The following LOXHD1 variants were observed in gnomAD, a reference collection of about 807,000 sequenced individuals.
LOXHD1 encodes lipoxygenase homology PLAT domains 1.
Under a neutral mutation model 248.2 loss-of-function variants are expected in LOXHD1, and 205 were observed. The observed-to-expected ratio is 0.83, with a 90% CI of 0.74 to 0.93. The LOEUF (loss-of-function observed/expected upper bound fraction) is 0.93, where lower values mean the gene tolerates loss of function less well. Among genes scored for constraint, LOXHD1 ranks in the 40% least tolerant of loss-of-function variants. The probability of loss-of-function intolerance (pLI) is 0.00; values close to 1 mark genes in which losing one functional copy is unlikely to be tolerated. For missense variants in LOXHD1, 2,930 were observed against 2,971.6 expected, an observed-to-expected ratio of 0.99 and a Z score of 0.33; for synonymous variants, 1,113 against 1,162.8, an observed-to-expected ratio of 0.96 and a Z score of 0.87.
At chr18:46,494,849 C>CTTTT (rs58016824) in intron 37 of LOXHD1, among the ~76,000 whole-genome samples, 1,596 of 96,516 alleles carry the variant, frequency 0.017, 110 homozygotes, top group African/African-American at 0.046. Context: ...TTCTCTCTCT[C>CTTTT]TTTTTTTTTT....
At position 46,482,820 on chromosome 18, in the gene LOXHD1, G is replaced by A. The variant is rs142515522; in HGVS notation, c.6341+767C>T. 2.3e-3 allele frequency among the ~76,000 whole-genome samples: 342 copies of A among 151,192 alleles called. 2 individuals are homozygous for A. The highest frequency in any genetic ancestry group is 6.9e-3 in the African/African-American group (287 of 41,468). ...GCCAGCCCCAGGGAGAGGTGCAGAT[G>A]TGGGAGCGTCCACAGTGGTTCTGGC... On this transcript the variant is annotated intron_variant, in intron 40 of 40. Transcript: ENST00000642948.
At chr18:46,559,127 C>A in intron 20 of LOXHD1, 1 of 1,347,028 alleles carries the variant, frequency 7.4e-7, no homozygotes, top group East Asian at 4.4e-5. Context: ...CCCAAGACAC[C>A]ATCTTGCGGC....
In LOXHD1 at chr18:46,541,845, T is replaced by C; in HGVS notation, c.3844A>G (p.Asn1282Asp). The change falls in exon 25 of 41, where the codon AAC (asparagine) becomes GAC (aspartate). Residue 1282 changes from asparagine (N) to aspartate (D), a missense_variant. Transcript: ENST00000642948. ...TFPCGRWLAK[N>D]EDDGSIIRDL... The stretch of plus-strand genomic sequence containing the variant: ...CTGATGATGGACCCGTCGTCTTCGT[T>C]TTTGGCCAGCCAGCGGCCACAGGGA... 6.4e-7 allele frequency: 1 copy of C among 1,551,694 alleles called. No homozygotes were observed. Among genetic ancestry groups the C allele is most frequent in the East Asian group, 2.4e-5 (1 of 40,916 alleles).
At chr18:46,585,964 G>A (rs2038051362) in intron 12 of LOXHD1, among the ~76,000 whole-genome samples, 1 of 152,162 alleles carries the variant, frequency 6.6e-6, no homozygotes, top group Admixed American at 6.5e-5. Flanking sequence ...GTACATGGAT[G>A]TTTATGGCAG....
intron 37 of LOXHD1, among the ~76,000 whole-genome samples, chr18:46,505,200 G>A (rs1238940042): frequency 8.0e-6 from 1 of 125,622 alleles, no homozygotes; most frequent in Non-Finnish European, 1.7e-5. Flanking sequence ...TTTTTTTTTT[G>A]AGACAGGTTC....
intron 25 of LOXHD1, among the ~76,000 whole-genome samples, chr18:46,541,234 C>T (rs991493378): frequency 2.6e-5 from 4 of 152,148 alleles, no homozygotes; most frequent in African/African-American, 9.7e-5. Flanking sequence ...AAGGGAATTA[C>T]ATTCACCTTT....
intron 19 of LOXHD1, 35 bp downstream of exon 19, chr18:46,560,048 T>TGCCAA: frequency 2.6e-5 from 32 of 1,226,276 alleles, no homozygotes; most frequent in Middle Eastern, 2.1e-4. Flanking sequence ...GTCTGGCCAC[T>TGCCAA]CCCTCCCCAC....
rs890100346 is a variant in LOXHD1, at chr18:46,533,607, A to AG, written c.4213-284dup. 2.0e-4 allele frequency: 78 copies of AG among 395,792 alleles called. No homozygotes were observed. The Middle Eastern group carries it at 3.0e-3, about 15-fold the overall frequency. 24.5% of individuals were successfully genotyped at this position (395,792 alleles called of 1,614,324 possible). A position where few individuals can be genotyped will look rare whatever the true frequency, so the allele number is the denominator to read the frequency against. ...AGACTCAGATTCAGTGGGTAAGAGG[A>AG]GGGGGGTGCTCTGTATTTAAAAATT... is the stretch of plus-strand genomic sequence containing the variant. On this transcript the variant is annotated intron_variant, in intron 27 of 40. Transcript: ENST00000642948.
chr18:46,577,873 G>T lies in LOXHD1; in HGVS notation c.1810-6C>A, dbSNP rs199804946. ...TCGATAGTGAACTCGTCAGCCTTGT[G>T]GGGGGAAACCACAAGGCCAGTTAGA... On this transcript the variant is annotated splice_region_variant and splice_polypyrimidine_tract_variant and intron_variant, in intron 13 of 40. Coordinates refer to ENST00000642948, the MANE Select transcript of LOXHD1 (RefSeq NM_001384474.1). 7.7e-5 allele frequency: 119 copies of T among 1,551,270 alleles called. No individual in the cohort carries two copies. The highest frequency in any genetic ancestry group is 3.3e-4 in the Middle Eastern group (2 of 6,014).
chr18:46,504,730 C>T (rs1483240622), intron 37 of LOXHD1, among the ~76,000 whole-genome samples: 1 of 152,184 alleles, frequency 6.6e-6, no homozygotes, highest in Non-Finnish European at 1.5e-5. Context: ...ATAGGCTAGT[C>T]CTCCGCAGGG....
At chr18:46,565,294 C>G (rs1004858312) in intron 17 of LOXHD1, among the ~76,000 whole-genome samples, 1 of 151,964 alleles carries the variant, frequency 6.6e-6, no homozygotes, top group Non-Finnish European at 1.5e-5. Flanking sequence ...AAGGGACATT[C>G]TCTGTGCCAG....
intron 29 of LOXHD1, among the ~76,000 whole-genome samples, chr18:46,525,963 G>T (rs1192349014): frequency 2.0e-5 from 3 of 152,164 alleles, no homozygotes; most frequent in African/African-American, 7.2e-5. Context: ...GTCTCCAGGT[G>T]TCAGCATTAA....
chr18:46,567,041 T>C (rs2037657514), intron 16 of LOXHD1, among the ~76,000 whole-genome samples: 2 of 152,222 alleles, frequency 1.3e-5, no homozygotes, highest in South Asian at 4.1e-4. Context: ...CACTCTATAA[T>C]TGCTTTGCGA....
At chr18:46,566,157 T>A in intron 17 of LOXHD1, 100 bp downstream of exon 17, 1 of 1,338,310 alleles carries the variant, frequency 7.5e-7, no homozygotes, top group Admixed American at 2.4e-5. Context: ...CAGCAGCACT[T>A]GTCAGCAAGA....
At position 46,541,759 on chromosome 18, in the gene LOXHD1, C is replaced by A. The variant is rs1323800663; in HGVS notation, c.3913+17G>T. 6.4e-7 allele frequency: 1 copy of A among 1,551,494 alleles called. No individual in the cohort carries two copies. Among genetic ancestry groups the A allele is most frequent in the Non-Finnish European group, 8.7e-7 (1 of 1,146,900 alleles). ...GGGCCCCAGAGAAGGGCTGGCCTTGCCGTGTGTGGTTCCTACATGGTGTGT... is the reference window on the plus strand; with the variant it reads ...GGGCCCCAGAGAAGGGCTGGCCTTGACGTGTGTGGTTCCTACATGGTGTGT... On this transcript the variant is annotated intron_variant, in intron 25 of 40. Coordinates refer to ENST00000642948, the MANE Select transcript of LOXHD1 (RefSeq NM_001384474.1).
chr18:46,516,295 C>T (rs1357611277), intron 34 of LOXHD1, among the ~76,000 whole-genome samples: 1 of 152,164 alleles, frequency 6.6e-6, no homozygotes, highest in African/African-American at 2.4e-5. Flanking sequence ...TTAAAAAGCA[C>T]TTGCAACAGT....
At chr18:46,514,501 A>G (rs891523047) in intron 34 of LOXHD1, among the ~76,000 whole-genome samples, 1 of 152,210 alleles carries the variant, frequency 6.6e-6, no homozygotes, top group Admixed American at 6.5e-5. Context: ...TAAAAAGACT[A>G]AGATTCAAGT....
In LOXHD1 at chr18:46,507,602, G is replaced by A. The variant is rs149705118; in HGVS notation, c.5628C>T (p.Ile1876=). ...TCCACTCCATCATTTCTTCCTCATC[G>A]ATAACGGCACACATTTCACACACCA... is the stretch of plus-strand genomic sequence containing the variant. The part of the protein sequence containing the change: ...KTLVCEMCAV[I]DEEEMMEWTS... Residue 1876 remains isoleucine, a synonymous_variant, in exon 36 of 41, where the codon ATC becomes ATT. Transcript: ENST00000642948. 5.0e-5 allele frequency: 78 copies of A among 1,551,720 alleles called. No homozygotes were observed. The highest frequency in any genetic ancestry group is 3.4e-4 in the East Asian group (14 of 40,914).
intron 29 of LOXHD1, among the ~76,000 whole-genome samples, chr18:46,525,325 C>T (rs921659749): frequency 2.0e-5 from 3 of 152,124 alleles, no homozygotes; most frequent in Non-Finnish European, 4.4e-5. Flanking sequence ...GCTGTGGCAA[C>T]CGGAGGGCAA....
Sources: gnomAD v4.1 joint callset for allele counts (sites outside exome capture counted in the v4.1 genomes callset) on GRCh38, gnomAD v4.1.1 for gene constraint, MANE v1.5 for transcripts, NCBI Gene and HGNC (gene_info 2026-07-23, HGNC 2026-07-21) for gene names.